The following SPATC1L variants were observed in gnomAD, a reference collection of about 807,000 sequenced individuals.
SPATC1L encodes the protein speriolin-like protein.
In SPATC1L, 20 loss-of-function variants were observed where a neutral mutation model predicts 21.2. The observed-to-expected ratio is 0.94, with a 90% confidence interval of 0.66 to 1.37. The LOEUF (loss-of-function observed/expected upper bound fraction) is 1.37, where lower values mean the gene tolerates loss of function less well. Ranked by LOEUF, SPATC1L falls within the 40% of genes most tolerant of loss-of-function variation. SPATC1L has a pLI of 0.00. For missense variants in SPATC1L, 499 were observed against 478.7 expected, an observed-to-expected ratio of 1.04 and a Z score of -0.40; for synonymous variants, 290 against 234.5, an observed-to-expected ratio of 1.24 and a Z score of -2.16.
Position 46,162,032 on chromosome 21 carries a change from G to C in SPATC1L, c.580C>G (p.Arg194Gly), listed in dbSNP as rs751537273. 1.9e-6 allele frequency: 3 copies of C among 1,592,928 alleles called. No individual in the cohort carries two copies. The highest frequency in any genetic ancestry group is 2.6e-6 in the Non-Finnish European group (3 of 1,172,092). Residue 194 changes from arginine to glycine, a missense_variant, in exon 4 of 5, where the codon CGC (arginine) becomes GGC (glycine). By Grantham distance (125) the Arg-to-Gly change is moderately radical (BLOSUM62 -2). Coordinates refer to ENST00000291672, the MANE Select transcript of SPATC1L (RefSeq NM_001142854.2). Reference sequence around the variant, plus strand: ...TGGAAGGCGATCTCGCCCACCACGCGCGCGTCCTTCTCGGCGCCCGCGAAG... The same window carrying C: ...TGGAAGGCGATCTCGCCCACCACGCCCGCGTCCTTCTCGGCGCCCGCGAAG... Reference protein sequence around the residue: ...QSFAGAEKDARVVGEIAFQLD... With the variant: ...QSFAGAEKDAGVVGEIAFQLD...
Position 46,173,744 on chromosome 21 carries a change from C to T in SPATC1L, c.194-5086G>A, listed in dbSNP as rs774918420. Among the ~76,000 whole-genome samples, 81 of 152,228 alleles carry T rather than the reference C, an allele frequency of 5.3e-4. 1 individual carries two copies. Among genetic ancestry groups the T allele is most frequent in the South Asian group, 1.9e-3 (9 of 4,824 alleles). ...ACTGCACACAGTCTCCAACAGGAGC[C>T]CCCCATCCCCACCCCAGCTGCTTTG... On this transcript the variant is annotated intron_variant, in intron 2 of 4. Coordinates refer to ENST00000291672, the MANE Select transcript of SPATC1L (RefSeq NM_001142854.2).
At position 46,168,648 on chromosome 21, in the gene SPATC1L, G is replaced by T; in HGVS notation, c.204C>A (p.Phe68Leu). ...AGSPGSGVPD[F>L]GRFTSVADTP... is the part of the protein sequence containing the mutation. ...TGTCGGCAACACTCGTGAACCTTCC[G>T]AAATCTGGAACTGAGGCGGGGAGGA... The change falls in exon 3 of 5, where the codon TTC becomes TTA. Residue 68 changes from phenylalanine (F) to leucine (L), a missense_variant. Transcript: ENST00000291672. The T allele has an allele frequency of 7.3e-7, 1 of 1,364,026 alleles. No homozygotes were observed. Among genetic ancestry groups the T allele is most frequent in the East Asian group, 2.7e-5 (1 of 37,310 alleles). 84.5% of individuals were successfully genotyped at this position (1,364,026 alleles called of 1,614,324 possible). A position where few individuals can be genotyped will look rare whatever the true frequency, so the allele number is the denominator to read the frequency against.
chr21:46,173,062 C>T (rs1168654968), intron 2 of SPATC1L, among the ~76,000 whole-genome samples: 1 of 152,192 alleles, frequency 6.6e-6, no homozygotes, highest in Non-Finnish European at 1.5e-5. Context: ...AAGCAGAACC[C>T]AGAGGGTCTG....
intron 4 of SPATC1L, 63 bp from the exon 5 acceptor site, chr21:46,161,768 C>T: frequency 6.7e-7 from 1 of 1,493,332 alleles, no homozygotes; most frequent in South Asian, 1.3e-5. Context: ...GACTTCCAGG[C>T]CCAGGGCCGA....
Position 46,161,767 on chromosome 21 carries a change from G to A in SPATC1L, c.697-62C>T, listed in dbSNP as rs1203450338. 3 of 1,492,160 alleles carry A rather than the reference G, an allele frequency of 2.0e-6. No individual in the cohort carries two copies. The African/African-American group carries it at 4.2e-5, about 21-fold the overall frequency. 92.4% of individuals were successfully genotyped at this position (1,492,160 alleles called of 1,614,324 possible). On this transcript the variant is annotated intron_variant, in intron 4 of 4. Coordinates refer to ENST00000291672, the MANE Select transcript of SPATC1L (RefSeq NM_001142854.2). The stretch of plus-strand genomic sequence containing the variant: ...GGGGCCCTCGGACGGGGACTTCCAG[G>A]CCCAGGGCCGATCCCTGCCCCGCCC...
At chr21:46,175,009 C>T (rs1198886605) in intron 2 of SPATC1L, among the ~76,000 whole-genome samples, 1 of 152,206 alleles carries the variant, frequency 6.6e-6, no homozygotes, top group Non-Finnish European at 1.5e-5. Flanking sequence ...AAAAAATTCA[C>T]TCAGAACCAC....
At chr21:46,176,174 T>C (rs1002528111) in intron 2 of SPATC1L, among the ~76,000 whole-genome samples, 1 of 152,170 alleles carries the variant, frequency 6.6e-6, no homozygotes, top group Non-Finnish European at 1.5e-5. Flanking sequence ...GAGCTATGTA[T>C]GACAAACTCA....
At chr21:46,170,023 G>C (rs2079573195) in intron 2 of SPATC1L, among the ~76,000 whole-genome samples, 1 of 75,072 alleles carries the variant, frequency 1.3e-5, no homozygotes, top group Non-Finnish European at 2.7e-5. Context: ...CCCCTGCTCT[G>C]TGAGCATCCT....
At chr21:46,179,404 A>G (rs559894087) in intron 2 of SPATC1L, among the ~76,000 whole-genome samples, 13 of 152,328 alleles carry the variant, frequency 8.5e-5, no homozygotes, top group African/African-American at 3.1e-4. Context: ...ACACACACCA[A>G]AAAAAGAAAT....
chr21:46,181,648 C>T (rs2079674828), intron 2 of SPATC1L, among the ~76,000 whole-genome samples: 1 of 152,144 alleles, frequency 6.6e-6, no homozygotes, highest in South Asian at 2.1e-4. Context: ...CTGGAGCGGC[C>T]CCTTGGTGAG....
chr21:46,167,178 A>C (rs1049624726), intron 3 of SPATC1L, among the ~76,000 whole-genome samples: 2 of 152,262 alleles, frequency 1.3e-5, no homozygotes, highest in African/African-American at 4.8e-5. Flanking sequence ...TGGCCAGTGC[A>C]TCAGTGAAGA....
intron 2 of SPATC1L, among the ~76,000 whole-genome samples, chr21:46,179,857 C>T (rs1198008839): frequency 6.6e-6 from 1 of 152,224 alleles, no homozygotes; most frequent in Admixed American, 6.5e-5. Flanking sequence ...CCCACTGGCC[C>T]TTCGCGTCAC....
intron 3 of SPATC1L, among the ~76,000 whole-genome samples, chr21:46,162,750 C>T (rs114783660): frequency 0.098 from 14,956 of 151,984 alleles, 1,221 homozygotes; most frequent in African/African-American, 0.22. Context: ...CACACCCAGC[C>T]AAGTTTTTGT....
intron 2 of SPATC1L, among the ~76,000 whole-genome samples, chr21:46,178,474 C>T (rs992995248): frequency 3.3e-5 from 5 of 152,250 alleles, no homozygotes; most frequent in Middle Eastern, 3.4e-3. Context: ...GGAATAATAA[C>T]GAATGTACTA....
In SPATC1L at chr21:46,182,723, G is replaced by A. The variant is rs983449018; in HGVS notation, c.94C>T (p.Arg32Trp). 2 of 1,546,966 alleles carry A rather than the reference G, an allele frequency of 1.3e-6. No homozygotes were observed. Among genetic ancestry groups the A allele is most frequent in the East Asian group, 2.4e-5 (1 of 40,904 alleles). ...TGGCAGCTCTGGCTGAGCAGCCGCC[G>A]CAGCATCTGATTCTCCTTCAGGAGG... ...VRLLKENQML[R>W]RLLSQSCQEG... Residue 32 changes from arginine (R) to tryptophan (W), a missense_variant, in exon 2 of 5, where the codon CGG (arginine) becomes TGG (tryptophan). Coordinates refer to ENST00000291672, the MANE Select transcript of SPATC1L (RefSeq NM_001142854.2).
At position 46,162,021 on chromosome 21, in the gene SPATC1L, G is replaced by A. The variant is rs1201045332; in HGVS notation, c.591C>T (p.Gly197=). 9.4e-6 allele frequency: 15 copies of A among 1,596,608 alleles called. No individual in the cohort carries two copies. The highest frequency in any genetic ancestry group is 1.3e-5 in the Non-Finnish European group (15 of 1,174,006). The change falls in exon 4 of 5, where the codon GGC becomes GGT. Residue 197 remains glycine, a synonymous_variant. Coordinates refer to ENST00000291672, the MANE Select transcript of SPATC1L (RefSeq NM_001142854.2). The part of the protein sequence containing the change: ...AGAEKDARVV[G]EIAFQLDRRI... ...GGCGGTCCAGCTGGAAGGCGATCTC[G>A]CCCACCACGCGCGCGTCCTTCTCGG...
At position 46,161,676 on chromosome 21, in the gene SPATC1L, C is replaced by G; in HGVS notation, c.726G>C (p.Val242=). 9 of 1,606,004 alleles carry G rather than the reference C, an allele frequency of 5.6e-6. No homozygotes were observed. Among genetic ancestry groups the G allele is most frequent in the Non-Finnish European group, 6.8e-6 (8 of 1,177,042 alleles). The change falls in exon 5 of 5, where the codon GTG becomes GTC. Residue 242 remains valine, a synonymous_variant. Coordinates refer to ENST00000291672, the MANE Select transcript of SPATC1L (RefSeq NM_001142854.2). The stretch of plus-strand genomic sequence containing the variant: ...TCAGCTCGCGCAGCTTCCTCTCGTC[C>G]ACGGAGCCGTCCAGAGACTTGGTGG... ...QTSTKSLDGS[V]DERKLRELTQ... is the part of the protein sequence containing the mutation.
chr21:46,164,828 C>G (rs1271483259), intron 3 of SPATC1L, among the ~76,000 whole-genome samples: 1 of 150,298 alleles, frequency 6.7e-6, no homozygotes. Flanking sequence ...AGCTCTTTCT[C>G]CCATCCCCCC....
intron 2 of SPATC1L, among the ~76,000 whole-genome samples, chr21:46,180,192 T>G (rs2079661948): frequency 6.6e-6 from 1 of 152,196 alleles, no homozygotes; most frequent in South Asian, 2.1e-4. Flanking sequence ...AGGAGCCCAG[T>G]GTTCAAGTGT....
Sources: gnomAD v4.1 joint callset for allele counts (sites outside exome capture counted in the v4.1 genomes callset) on GRCh38, gnomAD v4.1.1 for gene constraint, MANE v1.5 for transcripts, NCBI Gene and HGNC (gene_info 2026-07-23, HGNC 2026-07-21) for gene names.